MRC1: variants seen among roughly 807,000 people sequenced by gnomAD.
MRC1 encodes the protein macrophage mannose receptor 1.
MRC1 carries 62 observed loss-of-function variants against 102.9 expected under a neutral mutation model. The observed-to-expected ratio is 0.60, with a 90% CI of 0.49 to 0.74. MRC1 has a LOEUF of 0.74. Among genes scored for constraint, MRC1 ranks in the 30% least tolerant of loss-of-function variants. The probability of loss-of-function intolerance (pLI) is 0.00; values close to 1 mark genes in which losing one functional copy is unlikely to be tolerated. For missense variants in MRC1, 1,237 were observed against 862.8 expected (o/e 1.43, Z -5.43); for synonymous variants, 457 against 298.4 (o/e 1.53, Z -5.48).
intron 17 of MRC1, among the ~76,000 whole-genome samples, chr10:17,876,440 G>A (rs892965116): frequency 9.9e-4 from 151 of 152,070 alleles, no homozygotes; most frequent in Non-Finnish European, 1.9e-3. Flanking sequence ...TAGAGACAGG[G>A]TTTCACCATG....
intron 1 of MRC1, among the ~76,000 whole-genome samples, chr10:17,814,726 C>T (rs1316869670): frequency 5.5e-5 from 8 of 146,642 alleles, no homozygotes; most frequent in African/African-American, 2.0e-4. Flanking sequence ...CGCTCTGTCG[C>T]CCAGGCTGGA....
At chr10:17,847,477 C>A (rs1398411498) in intron 6 of MRC1, among the ~76,000 whole-genome samples, 1 of 152,192 alleles carries the variant, frequency 6.6e-6, no homozygotes, top group Non-Finnish European at 1.5e-5. Context: ...ATTAATGATT[C>A]TGTTTTATCT....
At position 17,888,541 on chromosome 10, in the gene MRC1, CTT is replaced by C. The variant is rs1187357809; in HGVS notation, c.3147+3107_3147+3108del. Among the ~76,000 whole-genome samples, 7 of 152,288 alleles carry C rather than the reference CTT, an allele frequency of 4.6e-5. No individual in the cohort carries two copies. The South Asian group carries it at 1.0e-3, about 23-fold the overall frequency. On this transcript the variant is annotated intron_variant, in intron 22 of 29. Coordinates refer to ENST00000569591, the MANE Select transcript of MRC1 (RefSeq NM_002438.4). ...GTCACTATTAGTGTATTATTATTGACTTAACATTTTCTTTAATTTCTAGGTAT... is the reference window on the plus strand; with the variant it reads ...GTCACTATTAGTGTATTATTATTGACAACATTTTCTTTAATTTCTAGGTAT...
intron 2 of MRC1, among the ~76,000 whole-genome samples, chr10:17,826,430 G>T (rs1320133451): frequency 6.6e-6 from 1 of 152,142 alleles, no homozygotes; most frequent in African/African-American, 2.4e-5. Context: ...CTCAATTCCT[G>T]ACCTCTAGTG....
chr10:17,902,407 T>G (rs2130719449), intron 26 of MRC1, among the ~76,000 whole-genome samples: 1 of 149,914 alleles, frequency 6.7e-6, no homozygotes, highest in South Asian at 2.1e-4. Context: ...CCTCAGTTAT[T>G]CCAAGTGTTG....
intron 5 of MRC1, among the ~76,000 whole-genome samples, chr10:17,843,370 A>G (rs1162624695): frequency 6.6e-6 from 1 of 152,154 alleles, no homozygotes; most frequent in Non-Finnish European, 1.5e-5. Context: ...CTTATTACTA[A>G]CTTTAAGATA....
At chr10:17,882,679 A>G (rs1323697721) in intron 21 of MRC1, among the ~76,000 whole-genome samples, 1 of 152,190 alleles carries the variant, frequency 6.6e-6, no homozygotes. Flanking sequence ...AACACATTGT[A>G]CAATAAATCC....
intron 24 of MRC1, among the ~76,000 whole-genome samples, chr10:17,900,428 A>G (rs993668276): frequency 6.6e-6 from 1 of 152,100 alleles, no homozygotes; most frequent in African/African-American, 2.4e-5. Context: ...TATAATTTCA[A>G]TAATAATATA....
chr10:17,885,790 A>G (rs1833584715), intron 22 of MRC1, among the ~76,000 whole-genome samples: 1 of 151,766 alleles, frequency 6.6e-6, no homozygotes, highest in Admixed American at 6.6e-5. Flanking sequence ...CCTGGAAGCT[A>G]CTACTGCTTC....
rs1833336362 is a variant in MRC1 at position 17,870,292 on chromosome 10, G to A, written c.2030G>A (p.Arg677Gln). Residue 677 changes from arginine (R) to glutamine (Q), a missense_variant, in exon 13 of 30, where the codon CGA (arginine) becomes CAA (glutamine). Coordinates refer to ENST00000569591, the MANE Select transcript of MRC1 (RefSeq NM_002438.4). ...GAGAAGAAAACGTGGTTTGAATCTC[G>A]AGATTTTTGTCGAGCTCTGGGTGGA... The part of the protein sequence containing the change: ...KHEKKTWFES[R>Q]DFCRALGGDL... 4 of 780,480 alleles carry A rather than the reference G, an allele frequency of 5.1e-6. No homozygotes were observed. The highest frequency in any genetic ancestry group is 4.5e-4 in the Middle Eastern group (2 of 4,432). The allele number at this position is 780,480 out of a possible 1,614,324, so 48.3% of individuals were successfully genotyped here. A position where few individuals can be genotyped will look rare whatever the true frequency, so the allele number is the denominator to read the frequency against.
intron 23 of MRC1, 132 bp downstream of exon 23, chr10:17,894,444 G>A (rs1833726566): frequency 1.6e-6 from 1 of 634,798 alleles, no homozygotes; most frequent in Non-Finnish European, 2.7e-6. Context: ...CTGTCGCCCA[G>A]GCTGAAGTGC....
chr10:17,891,390 C>T (rs1479187821), intron 22 of MRC1, among the ~76,000 whole-genome samples: 2 of 151,958 alleles, frequency 1.3e-5, no homozygotes, highest in Non-Finnish European at 2.9e-5. Context: ...ATGCTCTCGA[C>T]CTCCTGACCT....
At position 17,840,966 on chromosome 10, in the gene MRC1, C is replaced by T. The variant is rs1469924757; in HGVS notation, c.916+160C>T. Among the ~76,000 whole-genome samples the T allele has an allele frequency of 5.3e-5, 8 of 152,218 alleles. No individual in the cohort carries two copies. The East Asian group carries it at 1.4e-3, about 26-fold the overall frequency. ...TGTTTTGAAATCTATGCTAGATTTC[C>T]ATTTACTGAATTGTAAGGTTATACC... On this transcript the variant is annotated intron_variant, in intron 5 of 29. Coordinates refer to ENST00000569591, the MANE Select transcript of MRC1 (RefSeq NM_002438.4).
intron 23 of MRC1, among the ~76,000 whole-genome samples, chr10:17,896,146 C>T (rs1444588246): frequency 1.3e-5 from 2 of 152,094 alleles, no homozygotes; most frequent in East Asian, 1.9e-4. Flanking sequence ...GGGTTGCTGT[C>T]ATCCTGAGTA....
intron 2 of MRC1, among the ~76,000 whole-genome samples, chr10:17,826,640 A>C (rs1838480142): frequency 6.6e-6 from 1 of 152,214 alleles, no homozygotes; most frequent in South Asian, 2.1e-4. Flanking sequence ...AACATACTGG[A>C]CAATGTAGCT....
At chr10:17,888,393 G>A (rs909787058) in intron 22 of MRC1, among the ~76,000 whole-genome samples, 3 of 152,202 alleles carry the variant, frequency 2.0e-5, no homozygotes. Flanking sequence ...TGGCAGGAGT[G>A]TAGGCTGTGA....
At chr10:17,879,620 C>T in intron 18 of MRC1, 101 bp from the exon 19 acceptor site, 1 of 779,974 alleles carries the variant, frequency 1.3e-6, no homozygotes, top group Admixed American at 1.7e-5. Flanking sequence ...GCCTCGGCCT[C>T]CCATGGTGCT....
intron 23 of MRC1, among the ~76,000 whole-genome samples, chr10:17,895,401 C>T (rs1203137851): frequency 4.0e-5 from 6 of 151,654 alleles, no homozygotes; most frequent in Non-Finnish European, 8.8e-5. Context: ...GCAGACTAAA[C>T]CTGTCACTAA....
At chr10:17,810,610 A>G (rs1205600633) in intron 1 of MRC1, among the ~76,000 whole-genome samples, 2 of 152,160 alleles carry the variant, frequency 1.3e-5, no homozygotes, top group African/African-American at 4.8e-5. Flanking sequence ...TTCCATGTCT[A>G]TAAAATGGAA....
Sources: allele counts gnomAD v4.1 joint callset (sites outside exome capture counted in the v4.1 genomes callset), GRCh38; gene constraint gnomAD v4.1.1; transcripts MANE v1.5; gene names NCBI Gene and HGNC (gene_info 2026-07-23, HGNC 2026-07-21).